ACTC1: variants seen among roughly 807,000 people sequenced by gnomAD.
ACTC1 encodes the protein actin, alpha cardiac muscle 1.
A neutral mutation model predicts 31.6 loss-of-function variants in ACTC1; 10 were observed. The observed-to-expected ratio is 0.32, with a 90% CI of 0.19 to 0.54. The LOEUF is 0.54. ACTC1 is among the 20% of genes least tolerant of loss of function. The pLI, the probability that ACTC1 is intolerant of heterozygous loss-of-function variation, is 0.95. For missense variants in ACTC1, 129 were observed against 506.4 expected, an observed-to-expected ratio of 0.25 and a Z score of 7.15; for synonymous variants, 196 against 185.0, an observed-to-expected ratio of 1.06 and a Z score of -0.48.
rs59431308 is a variant in ACTC1 at position 34,791,307 on chromosome 15, T to TCACACA, written c.809-18_809-13dup. The TCACACA allele has an allele frequency of 0.014, 18,631 of 1,299,884 alleles. 135 individuals are homozygous for TCACACA. Among genetic ancestry groups the TCACACA allele is most frequent in the African/African-American group, 0.017 (1,059 of 63,916 alleles). 80.5% of individuals were successfully genotyped at this position (1,299,884 alleles called of 1,614,324 possible). A position where few individuals can be genotyped will look rare whatever the true frequency, so the allele number is the denominator to read the frequency against. ...AGCAGATTCCATACCTGGGAACGAG[T>TCACACA]CACACACACACACACACACACACAC... On this transcript the variant is annotated splice_polypyrimidine_tract_variant and intron_variant, in intron 5 of 6. Coordinates refer to ENST00000290378, the MANE Select transcript of ACTC1 (RefSeq NM_005159.5).
At chr15:34,791,448 A>G (rs565588533) in intron 5 of ACTC1, among the ~76,000 whole-genome samples, 153 bp from the exon 6 acceptor site, 132 of 152,210 alleles carry the variant, frequency 8.7e-4, no homozygotes, top group African/African-American at 3.1e-3. Flanking sequence ...ATGTTCCCCT[A>G]TAAGACACAC....
rs1891785313 is a variant in ACTC1, at chr15:34,794,828, G to A, written c.-20C>T. The A allele has an allele frequency of 1.2e-6, 2 of 1,608,892 alleles. No homozygotes were observed. The highest frequency in any genetic ancestry group is 1.1e-5 in the South Asian group (1 of 90,826). ...ACACATCTTGGCACAGCTTCAGGGG[G>A]TTCTGCAGGTTGAGGAGGGGAGGGC... On this transcript the variant is annotated splice_region_variant and 5_prime_UTR_variant, in exon 2 of 7. Coordinates refer to ENST00000290378, the MANE Select transcript of ACTC1 (RefSeq NM_005159.5).
Position 34,792,643 on chromosome 15 carries a change from G to A in ACTC1, c.455-74C>T, listed in dbSNP as rs369091332. The A allele has an allele frequency of 9.1e-5, 140 of 1,537,770 alleles. 2 individuals are homozygous for A. The highest frequency in any genetic ancestry group is 3.8e-4 in the East Asian group (17 of 44,352). On this transcript the variant is annotated intron_variant, in intron 3 of 6. Transcript: ENST00000290378. The surrounding 1 kb of genome is among the most constrained non-coding windows in gnomAD (Gnocchi z 5.3). ...CACTGCTCTAGCCACGGCAAAGCCC[G>A]CTTCCAATCTTGGCTAAGAGATGCT...
In ACTC1 at chr15:34,792,891, G is replaced by A. The variant is rs778759531; in HGVS notation, c.455-322C>T. ...TTCTTTGCTCCTATTGAACTTACAC[G>A]TTTCTCTCTCTTTTGACTCAGACCC... On this transcript the variant is annotated intron_variant, in intron 3 of 6. Coordinates refer to ENST00000290378, the MANE Select transcript of ACTC1 (RefSeq NM_005159.5). This position sits in a 1 kb window ranked among gnomAD's most constrained non-coding sequence, Gnocchi z 5.3. The A allele has an allele frequency of 2.6e-5, 13 of 502,978 alleles. No homozygotes were observed. Among genetic ancestry groups the A allele is most frequent in the Admixed American group, 6.5e-5 (2 of 30,768 alleles). The allele number at this position is 502,978 out of a possible 1,614,324, so 31.2% of individuals were successfully genotyped here. A position where few individuals can be genotyped will look rare whatever the true frequency, so the allele number is the denominator to read the frequency against.
intron 6 of ACTC1, 100 bp downstream of exon 6, chr15:34,791,014 G>C (rs1166652411): frequency 1.7e-6 from 2 of 1,155,966 alleles, no homozygotes; most frequent in African/African-American, 3.1e-5. Context: ...AAGTTTGTAG[G>C]AGACAAGAAA....
chr15:34,792,405 C>T lies in ACTC1; in HGVS notation c.616+3G>A. The T allele has an allele frequency of 6.2e-7, 1 of 1,614,212 alleles. No homozygotes were observed. Among genetic ancestry groups the T allele is most frequent in the South Asian group, 1.1e-5 (1 of 91,086 alleles). On this transcript the variant is annotated splice_donor_region_variant and intron_variant, in intron 4 of 6. Transcript: ENST00000290378. This position sits in a 1 kb window ranked among gnomAD's most constrained non-coding sequence, Gnocchi z 5.3. ...CTGTGGCAGATGAGACACACACACT[C>T]ACCAGTGGTGACAAAGGAGTAGCCA...
Position 34,792,784 on chromosome 15 carries a change from A to T in ACTC1, c.455-215T>A, listed in dbSNP as rs1891732296. The T allele has an allele frequency of 1.7e-6, 1 of 594,704 alleles. No homozygotes were observed. The highest frequency in any genetic ancestry group is 1.9e-5 in the African/African-American group (1 of 53,906). The allele number at this position is 594,704 out of a possible 1,614,324, so 36.8% of individuals were successfully genotyped here. ...AGCTCATCTTTTTAACTATTATAGT[A>T]GAAAAAATTCCCGAGGACACTTTCA... On this transcript the variant is annotated intron_variant, in intron 3 of 6. Coordinates refer to ENST00000290378, the MANE Select transcript of ACTC1 (RefSeq NM_005159.5). The surrounding 1 kb of genome is among the most constrained non-coding windows in gnomAD (Gnocchi z 5.3).
rs1481302309 is a variant in ACTC1, at chr15:34,791,996, A to T, written c.808+94T>A. On this transcript the variant is annotated intron_variant, in intron 5 of 6. Transcript: ENST00000290378. Reference sequence around the variant, plus strand: ...GGAATCCAAACTATGACTTCTTTTAACTCAAGGGCTTCTTGAGCCTTCTAG... The same window carrying T: ...GGAATCCAAACTATGACTTCTTTTATCTCAAGGGCTTCTTGAGCCTTCTAG... 3 of 1,387,138 alleles carry T rather than the reference A, an allele frequency of 2.2e-6. No homozygotes were observed. The African/African-American group carries it at 4.3e-5, about 20-fold the overall frequency. The allele number at this position is 1,387,138 out of a possible 1,614,324, so 85.9% of individuals were successfully genotyped here.
intron 1 of ACTC1, among the ~76,000 whole-genome samples, chr15:34,795,175 G>A (rs934386760): frequency 3.9e-5 from 6 of 152,022 alleles, no homozygotes; most frequent in African/African-American, 1.4e-4. Context: ...TCGATCTCCA[G>A]CCCTGTCCAT....
At position 34,792,565 on chromosome 15, in the gene ACTC1, A is replaced by G. The variant is rs2140431034; in HGVS notation, c.459T>C (p.Ile153=). 1 of 1,614,142 alleles carries G rather than the reference A, an allele frequency of 6.2e-7. No individual in the cohort carries two copies. The highest frequency in any genetic ancestry group is 1.3e-5 in the African/African-American group (1 of 75,042). ...SLYASGRTTG[I]VLDSGDGVTH... Reference sequence around the variant, plus strand: ...TTACACCATCCCCAGAGTCCAGAACAATGCCTGCCCGGGGAAGTAGACAAG... The same window carrying G: ...TTACACCATCCCCAGAGTCCAGAACGATGCCTGCCCGGGGAAGTAGACAAG... The change falls in exon 4 of 7, where the codon ATT becomes ATC. Residue 153 remains isoleucine, a synonymous_variant. Coordinates refer to ENST00000290378, the MANE Select transcript of ACTC1 (RefSeq NM_005159.5). The surrounding 1 kb of genome is among the most constrained non-coding windows in gnomAD (Gnocchi z 5.3).
At chr15:34,794,930 G>T in intron 1 of ACTC1, 100 bp from the exon 2 acceptor site, 5 of 879,142 alleles carry the variant, frequency 5.7e-6, no homozygotes, top group Non-Finnish European at 6.5e-6. Context: ...GGGTTGTGGG[G>T]ACTGGACAGG....
intron 1 of ACTC1, 109 bp from the exon 2 acceptor site, chr15:34,794,939 G>T: frequency 9.4e-7 from 1 of 1,069,284 alleles, no homozygotes; most frequent in Non-Finnish European, 1.3e-6. Flanking sequence ...GGACTGGACA[G>T]GGGGTTGGGC....
In ACTC1 at chr15:34,795,518, G is replaced by C. The variant is rs868314192; in HGVS notation, c.-35C>G. The C allele has an allele frequency of 6.5e-6, 1 of 152,754 alleles. No individual in the cohort carries two copies. The highest frequency in any genetic ancestry group is 1.5e-5 in the Non-Finnish European group (1 of 68,576). The allele number at this position is 152,754 out of a possible 1,614,324, so 9.5% of individuals were successfully genotyped here. A position where few individuals can be genotyped will look rare whatever the true frequency, so the allele number is the denominator to read the frequency against. On this transcript the variant is annotated 5_prime_UTR_variant, in exon 1 of 7. Coordinates refer to ENST00000290378, the MANE Select transcript of ACTC1 (RefSeq NM_005159.5). ...GGCGCTGACTCACCGTCGGCGGGGC[G>C]GGTCGGCTCGGCTCCGGCGGCAGCG...
Position 34,793,159 on chromosome 15 carries a change from T to C in ACTC1, c.454+86A>G. ...GGAATGGGAGGAAAGGGATTATCCC[T>C]TTTTCAACTGGGGGATCTGATTCAC... On this transcript the variant is annotated intron_variant, in intron 3 of 6. Transcript: ENST00000290378. The surrounding 1 kb of genome is among the most constrained non-coding windows in gnomAD (Gnocchi z 4.8). 7.2e-7 allele frequency: 1 copy of C among 1,394,622 alleles called. No individual in the cohort carries two copies. The highest frequency in any genetic ancestry group is 1.0e-6 in the Non-Finnish European group (1 of 989,744). 86.4% of individuals were successfully genotyped at this position (1,394,622 alleles called of 1,614,324 possible). A position where few individuals can be genotyped will look rare whatever the true frequency, so the allele number is the denominator to read the frequency against.
At position 34,791,307 on chromosome 15, in the gene ACTC1, TCACACACACACACACACACACA is replaced by T. The variant is rs59431308; in HGVS notation, c.809-34_809-13del. 70 of 1,308,720 alleles carry T rather than the reference TCACACACACACACACACACACA, an allele frequency of 5.3e-5. No individual in the cohort carries two copies. Among genetic ancestry groups the T allele is most frequent in the Non-Finnish European group, 5.0e-5 (47 of 932,686 alleles). The allele number at this position is 1,308,720 out of a possible 1,614,324, so 81.1% of individuals were successfully genotyped here. On this transcript the variant is annotated splice_polypyrimidine_tract_variant and intron_variant, in intron 5 of 6. Coordinates refer to ENST00000290378, the MANE Select transcript of ACTC1 (RefSeq NM_005159.5). ...AGCAGATTCCATACCTGGGAACGAG[TCACACACACACACACACACACA>T]CACACACACACACACACACACACAT...
chr15:34,792,761 C>T lies in ACTC1; in HGVS notation c.455-192G>A, dbSNP rs1276484259. 17 of 639,136 alleles carry T rather than the reference C, an allele frequency of 2.7e-5. No individual in the cohort carries two copies. The East Asian group carries it at 4.5e-4, about 17-fold the overall frequency. 39.6% of individuals were successfully genotyped at this position (639,136 alleles called of 1,614,324 possible). A position where few individuals can be genotyped will look rare whatever the true frequency, so the allele number is the denominator to read the frequency against. On this transcript the variant is annotated intron_variant, in intron 3 of 6. Coordinates refer to ENST00000290378, the MANE Select transcript of ACTC1 (RefSeq NM_005159.5). The surrounding 1 kb of genome is among the most constrained non-coding windows in gnomAD (Gnocchi z 5.3). ...ATACTAAATCTGAAGCAAACTGCAGCTCATCTTTTTAACTATTATAGTAGA... is the reference window on the plus strand; with the variant it reads ...ATACTAAATCTGAAGCAAACTGCAGTTCATCTTTTTAACTATTATAGTAGA...
At chr15:34,794,628 C>T in intron 2 of ACTC1, 52 bp downstream of exon 2, 1 of 1,587,076 alleles carries the variant, frequency 6.3e-7, no homozygotes, top group Non-Finnish European at 8.6e-7. Flanking sequence ...TTTCCTAGAT[C>T]GCTGGACTGA....
In ACTC1 at chr15:34,794,687, C is replaced by CG; in HGVS notation, c.121dup (p.Arg41ProfsTer18). On this transcript the variant is annotated frameshift_variant, in exon 2 of 7. Coordinates refer to ENST00000290378, the MANE Select transcript of ACTC1 (RefSeq NM_005159.5). LOFTEE classifies it high-confidence loss of function. ...GCTCGGCGGGAAGTTTACCTGGTGC[C>CG]GCGGGCGGCCCACGATGGACGGGAA... The CG allele has an allele frequency of 6.2e-7, 1 of 1,611,756 alleles. No individual in the cohort carries two copies. The highest frequency in any genetic ancestry group is 8.5e-7 in the Non-Finnish European group (1 of 1,178,932).
rs1029993832 is a variant in ACTC1, at chr15:34,790,964, C to T, written c.990+150G>A. 10 of 777,136 alleles carry T rather than the reference C, an allele frequency of 1.3e-5. No homozygotes were observed. The African/African-American group carries it at 1.6e-4, about 12-fold the overall frequency. 48.1% of individuals were successfully genotyped at this position (777,136 alleles called of 1,614,324 possible). A position where few individuals can be genotyped will look rare whatever the true frequency, so the allele number is the denominator to read the frequency against. The stretch of plus-strand genomic sequence containing the variant: ...GAAGTTACCTATCTTGGGAAAAGTG[C>T]TAAGAAAATCAGAAAAAGTGGTAGA... On this transcript the variant is annotated intron_variant, in intron 6 of 6. Transcript: ENST00000290378.
Sources: gnomAD v4.1 joint callset for allele counts (sites outside exome capture counted in the v4.1 genomes callset) on GRCh38, gnomAD v4.1.1 for gene constraint, Gnocchi (gnomAD v3.1) non-coding constraint, MANE v1.5 for transcripts, NCBI Gene and HGNC (gene_info 2026-07-23, HGNC 2026-07-21) for gene names.